Variants in DLG2 observed in about 807,000 individuals in gnomAD.
DLG2 encodes disks large homolog 2.
Under a neutral mutation model 132.5 loss-of-function variants are expected in DLG2, and 45 were observed. That is an observed-to-expected ratio of 0.34 (90% CI 0.27 to 0.44). DLG2 has a LOEUF of 0.44. DLG2 is among the 20% of genes least tolerant of loss of function. DLG2 has a pLI of 1.00. For missense variants in DLG2, 1,045 were observed against 1,196.9 expected (o/e 0.87, Z 1.87); for synonymous variants, 424 against 419.6 (o/e 1.01, Z -0.13).
chr11:84,938,205 G>A (rs187350030), intron 6 of DLG2, among the ~76,000 whole-genome samples: 147 of 152,236 alleles, frequency 9.7e-4, no homozygotes, highest in Admixed American at 5.6e-3. Flanking sequence ...TCTTATGAAT[G>A]GAGATATTGC....
intron 6 of DLG2, among the ~76,000 whole-genome samples, chr11:84,701,833 T>C (rs1032016177): frequency 6.6e-6 from 1 of 151,670 alleles, no homozygotes; most frequent in African/African-American, 2.4e-5. Context: ...TCTTTGCAGA[T>C]GTATCCAGAT....
At chr11:84,677,025 G>A (rs1447631978) in intron 6 of DLG2, among the ~76,000 whole-genome samples, 1 of 151,874 alleles carries the variant, frequency 6.6e-6, no homozygotes, top group Admixed American at 6.6e-5. Flanking sequence ...GGGCCCTAGA[G>A]GTCATAAAAA....
chr11:85,214,068 A>T (rs2082419702), intron 4 of DLG2, among the ~76,000 whole-genome samples: 1 of 152,092 alleles, frequency 6.6e-6, no homozygotes, highest in African/African-American at 2.4e-5. Context: ...GGGCTCCGCT[A>T]AACTTCAGGG....
chr11:84,646,511 C>G (rs1437860465), intron 6 of DLG2, among the ~76,000 whole-genome samples: 1 of 152,070 alleles, frequency 6.6e-6, no homozygotes, highest in Non-Finnish European at 1.5e-5. Flanking sequence ...AGCATAACTT[C>G]TGCAGACTTC....
chr11:84,621,893 G>T (rs957990000), intron 6 of DLG2, among the ~76,000 whole-genome samples: 7 of 152,246 alleles, frequency 4.6e-5, no homozygotes, highest in Admixed American at 2.0e-4. Flanking sequence ...AGCACATTGG[G>T]CTGGAAAACA....
chr11:84,964,357 C>T (rs1286803489), intron 6 of DLG2, among the ~76,000 whole-genome samples: 4 of 152,028 alleles, frequency 2.6e-5, no homozygotes, highest in African/African-American at 9.7e-5. Context: ...ATTAGGTTAA[C>T]TGATTTTTGA....
At chr11:83,596,563 C>G (rs1240830642) in intron 19 of DLG2, among the ~76,000 whole-genome samples, 1 of 152,166 alleles carries the variant, frequency 6.6e-6, no homozygotes, top group African/African-American at 2.4e-5. Flanking sequence ...CTTCCCATCG[C>G]CATTGGGATA....
At chr11:84,962,747 C>T (rs2052764166) in intron 6 of DLG2, among the ~76,000 whole-genome samples, 1 of 152,106 alleles carries the variant, frequency 6.6e-6, no homozygotes, top group Non-Finnish European at 1.5e-5. Flanking sequence ...TATCATATGG[C>T]AAAAGAAATA....
At chr11:85,386,815 GGAAA>G (rs2086370458) in intron 3 of DLG2, among the ~76,000 whole-genome samples, 1 of 146,290 alleles carries the variant, frequency 6.8e-6, no homozygotes, top group Admixed American at 6.8e-5. Flanking sequence ...AAGTAAAACA[GGAAA>G]GAAAGAGAGA....
chr11:84,167,148 T>C (rs2095687048), intron 8 of DLG2: 2 of 382,490 alleles, frequency 5.2e-6, no homozygotes, highest in South Asian at 4.1e-5. Flanking sequence ...GTTTGAAAAA[T>C]GTGTGTGCAT....
At chr11:83,475,615 A>G (rs1029066789) in intron 22 of DLG2, among the ~76,000 whole-genome samples, 5 of 151,884 alleles carry the variant, frequency 3.3e-5, no homozygotes, top group South Asian at 2.1e-4. Context: ...GAAAAAATTG[A>G]AGAGAGAGAT....
intron 18 of DLG2, among the ~76,000 whole-genome samples, chr11:83,665,644 T>C (rs1275552659): frequency 6.6e-6 from 1 of 152,238 alleles, no homozygotes; most frequent in African/African-American, 2.4e-5. Flanking sequence ...TCTTTTTAAA[T>C]GTTACTTTAA....
At chr11:84,368,389 T>C (rs1253964078) in intron 7 of DLG2, among the ~76,000 whole-genome samples, 4 of 152,136 alleles carry the variant, frequency 2.6e-5, no homozygotes, top group Admixed American at 2.6e-4. Flanking sequence ...CTATTCTTCA[T>C]GGCTTTCTAT....
intron 3 of DLG2, among the ~76,000 whole-genome samples, chr11:85,456,182 G>C (rs1339596779): frequency 6.6e-6 from 1 of 151,902 alleles, no homozygotes; most frequent in African/African-American, 2.4e-5. Flanking sequence ...AGGGATTCCT[G>C]GTTCACTCTT....
At chr11:84,033,501 T>C (rs943476507) in intron 11 of DLG2, among the ~76,000 whole-genome samples, 13 of 152,218 alleles carry the variant, frequency 8.5e-5, no homozygotes, top group South Asian at 2.1e-4. Flanking sequence ...AAGTGGTTTC[T>C]TGAGATGGAA....
chr11:83,756,647 T>C (rs867853963), intron 18 of DLG2, among the ~76,000 whole-genome samples: 1 of 151,332 alleles, frequency 6.6e-6, no homozygotes, highest in African/African-American at 2.5e-5. Flanking sequence ...TCGAATGTGG[T>C]AATACATGTA....
chr11:85,457,819 G>C (rs1163340144), intron 3 of DLG2, among the ~76,000 whole-genome samples: 4 of 152,142 alleles, frequency 2.6e-5, no homozygotes, highest in Non-Finnish European at 5.9e-5. Flanking sequence ...GACCTGATGG[G>C]ATTTCCTTTC....
chr11:85,112,575 TA>T (rs908672343), intron 5 of DLG2, among the ~76,000 whole-genome samples: 1 of 152,034 alleles, frequency 6.6e-6, no homozygotes, highest in African/African-American at 2.4e-5. Flanking sequence ...ATAATCGCCA[TA>T]AAAACCACAG....
In DLG2 at chr11:84,623,810, T is replaced by A. The variant is rs775750671; in HGVS notation, c.358-89079A>T. 6.8e-4 allele frequency among the ~76,000 whole-genome samples: 103 copies of A among 152,342 alleles called. No homozygotes were observed. The Middle Eastern group carries it at 0.01, about 15-fold the overall frequency. ...TCCCTACCACCATAGTATACATACG[T>A]CCTTCCCACCACAATGAGAATATTT... On this transcript the variant is annotated intron_variant, in intron 6 of 27. Transcript: ENST00000376104.
Sources: allele counts gnomAD v4.1 joint callset (sites outside exome capture counted in the v4.1 genomes callset), GRCh38; gene constraint gnomAD v4.1.1; transcripts MANE v1.5; gene names NCBI Gene and HGNC (gene_info 2026-07-23, HGNC 2026-07-21).